The following PLEKHH2 variants were observed in gnomAD, a reference collection of about 807,000 sequenced individuals.
The protein encoded by PLEKHH2 is pleckstrin homology domain-containing family H member 2.
In PLEKHH2, 129 loss-of-function variants were observed where a neutral mutation model predicts 187.9. That is an observed-to-expected ratio of 0.69 (90% CI 0.59 to 0.79). The LOEUF is 0.79. Among genes scored for constraint, PLEKHH2 ranks in the 30% least tolerant of loss-of-function variants. The probability of loss-of-function intolerance (pLI) is 0.00; values close to 1 mark genes in which losing one functional copy is unlikely to be tolerated. For synonymous variants in PLEKHH2, 686 were observed against 605.6 expected, an observed-to-expected ratio of 1.13 and a Z score of -1.95; for missense variants, 2,076 against 1,751.2, an observed-to-expected ratio of 1.19 and a Z score of -3.31.
rs1234705691 is a variant in PLEKHH2 at position 43,764,265 on chromosome 2, C to T, written c.4196C>T (p.Thr1399Ile). 5 of 1,577,964 alleles carry T rather than the reference C, an allele frequency of 3.2e-6. No homozygotes were observed. The East Asian group carries it at 9.1e-5, about 29-fold the overall frequency. ...IVSYVYKSLM[T>I]FGGYQDDFMV... ...AGCTATGTGTACAAGAGTCTAATGA[C>T]CTTTGGAGGCTATCAAGATGATTTT... Residue 1399 changes from threonine to isoleucine, a missense_variant, in exon 29 of 30, where the codon ACC becomes ATC. By Grantham distance (89) the Thr-to-Ile change is moderately conservative (BLOSUM62 -1). Transcript: ENST00000282406.
chr2:43,666,017 C>G (rs1048992724), intron 2 of PLEKHH2, among the ~76,000 whole-genome samples: 3 of 146,252 alleles, frequency 2.1e-5, no homozygotes, highest in Admixed American at 6.7e-5. Context: ...TCGAGCTTCC[C>G]GGCTGCTTTG....
intron 2 of PLEKHH2, among the ~76,000 whole-genome samples, chr2:43,667,804 C>T (rs1405539113): frequency 6.6e-6 from 1 of 152,088 alleles, no homozygotes; most frequent in Non-Finnish European, 1.5e-5. Context: ...TGGGGAATTA[C>T]TGCTAATAGG....
chr2:43,754,869 C>CTTTTT (rs3066318), intron 25 of PLEKHH2, among the ~76,000 whole-genome samples: 25 of 108,748 alleles, frequency 2.3e-4, no homozygotes, highest in African/African-American at 5.7e-4. Flanking sequence ...TTAAAATCAA[C>CTTTTT]TTTTTTTTTT....
chr2:43,759,925 C>G (rs930677943), intron 27 of PLEKHH2, among the ~76,000 whole-genome samples: 1 of 152,122 alleles, frequency 6.6e-6, no homozygotes, highest in Non-Finnish European at 1.5e-5. Context: ...TATCTTCTAA[C>G]TCTGATTCTA....
In PLEKHH2 at chr2:43,723,838, C is replaced by T. The variant is rs72871647; in HGVS notation, c.2542-2434C>T. The stretch of plus-strand genomic sequence containing the variant: ...ATCTTGCCTGTGTCTAACAGGCACA[C>T]GCCGACTGCTGATTAAGAATAGACC... On this transcript the variant is annotated intron_variant, in intron 16 of 29. Coordinates refer to ENST00000282406, the MANE Select transcript of PLEKHH2 (RefSeq NM_172069.4). Among the ~76,000 whole-genome samples the T allele has an allele frequency of 6.0e-3, 906 of 152,220 alleles. 11 individuals carry two copies. Among genetic ancestry groups the T allele is most frequent in the African/African-American group, 0.02 (843 of 41,532 alleles).
At chr2:43,693,758 G>A (rs1490738017) in intron 4 of PLEKHH2, among the ~76,000 whole-genome samples, 12 of 131,648 alleles carry the variant, frequency 9.1e-5, no homozygotes, top group Admixed American at 8.9e-4. Flanking sequence ...ATTGCACTGG[G>A]GATTGGGGTT....
intron 20 of PLEKHH2, among the ~76,000 whole-genome samples, chr2:43,739,729 A>C (rs530508758): frequency 3.3e-5 from 5 of 152,216 alleles, no homozygotes; most frequent in Non-Finnish European, 5.9e-5. Context: ...TGCCTCCAGC[A>C]GACAGTGAAT....
rs1666100563 is a variant in PLEKHH2, at chr2:43,644,636, TTTTAATTTTTTGTTTATTTA to T, written c.-3-23_-3-4del. The stretch of plus-strand genomic sequence containing the variant: ...TGTTGTAGCATTTGAATGTTTTACT[TTTTAATTTTTTGTTTATTTA>T]TTTAATTTTTTTAGAATATGGCAGA... On this transcript the variant is annotated splice_polypyrimidine_tract_variant and intron_variant, in intron 1 of 29. Transcript: ENST00000282406. 6.9e-7 allele frequency: 1 copy of T among 1,447,838 alleles called. No homozygotes were observed. The highest frequency in any genetic ancestry group is 9.3e-7 in the Non-Finnish European group (1 of 1,076,806). The allele number at this position is 1,447,838 out of a possible 1,614,324, so 89.7% of individuals were successfully genotyped here.
chr2:43,714,412 C>T lies in PLEKHH2; in HGVS notation c.2460+2029C>T, dbSNP rs1401236977. ...TTCCTGCCATTTGTGCTTGTCCACCCCCATATTTTCACCCTTAGAACCTTA... is the reference window on the plus strand; with the variant it reads ...TTCCTGCCATTTGTGCTTGTCCACCTCCATATTTTCACCCTTAGAACCTTA... On this transcript the variant is annotated intron_variant, in intron 15 of 29. Transcript: ENST00000282406. 3.3e-5 allele frequency among the ~76,000 whole-genome samples: 5 copies of T among 152,132 alleles called. No individual in the cohort carries two copies. The East Asian group carries it at 9.6e-4, about 29-fold the overall frequency.
chr2:43,680,556 A>G (rs1227052905), intron 3 of PLEKHH2: 1 of 155,938 alleles, frequency 6.4e-6, no homozygotes, highest in African/African-American at 2.4e-5. Context: ...TTCCTTTTTA[A>G]TTTTTATTTT....
rs1347487817 is a variant in PLEKHH2, at chr2:43,637,327, C to CGCGGCCGGGACATCGGGCGCT, written c.-46_-26dup. The CGCGGCCGGGACATCGGGCGCT allele has an allele frequency of 6.6e-6, 1 of 152,438 alleles. No individual in the cohort carries two copies. Among genetic ancestry groups the CGCGGCCGGGACATCGGGCGCT allele is most frequent in the African/African-American group, 2.4e-5 (1 of 41,450 alleles). 9.4% of individuals were successfully genotyped at this position (152,438 alleles called of 1,614,324 possible). Reference sequence around the variant, plus strand: ...GAGTCCGGGGATCCCGGGGGCCAGTCGCGGCCGGGACATCGGGCGCTGCGG... The same window carrying CGCGGCCGGGACATCGGGCGCT: ...GAGTCCGGGGATCCCGGGGGCCAGTCGCGGCCGGGACATCGGGCGCTGCGGCCGGGACATCGGGCGCTGCGG... On this transcript the variant is annotated 5_prime_UTR_variant, in exon 1 of 30. Coordinates refer to ENST00000282406, the MANE Select transcript of PLEKHH2 (RefSeq NM_172069.4).
chr2:43,743,745 G>A (rs1274334565), intron 22 of PLEKHH2, 89 bp from the exon 23 acceptor site: 3 of 1,148,740 alleles, frequency 2.6e-6, no homozygotes, highest in African/African-American at 3.1e-5. Flanking sequence ...CATTAATCAT[G>A]CATCAAGTAT....
rs1237190846 is a variant in PLEKHH2 at position 43,725,820 on chromosome 2, A to G, written c.2542-452A>G. Among the ~76,000 whole-genome samples, 3 of 152,178 alleles carry G rather than the reference A, an allele frequency of 2.0e-5. No individual in the cohort carries two copies. The East Asian group carries it at 5.8e-4, about 29-fold the overall frequency. On this transcript the variant is annotated intron_variant, in intron 16 of 29. Coordinates refer to ENST00000282406, the MANE Select transcript of PLEKHH2 (RefSeq NM_172069.4). ...TTGCCTCTAGGCATCATTTTTAAAA[A>G]GGTATGTTATACTGATGCGGTGGCT... is the stretch of plus-strand genomic sequence containing the variant.
In PLEKHH2 at chr2:43,743,856, C is replaced by G; in HGVS notation, c.3422C>G (p.Thr1141Ser). 1 of 1,613,788 alleles carries G rather than the reference C, an allele frequency of 6.2e-7. No individual in the cohort carries two copies. ...IYQVVGFDAS[T>S]TVEEFLNTLN... ...TAGGTAGTTGGTTTTGACGCATCTA[C>G]CACAGTGGAAGAATTTTTGAATACT... The change falls in exon 23 of 30, where the codon ACC becomes AGC. Residue 1141 changes from threonine (T) to serine (S), a missense_variant. Physicochemically the swap from Thr to Ser is moderately conservative, Grantham distance 58 (BLOSUM62 1). Coordinates refer to ENST00000282406, the MANE Select transcript of PLEKHH2 (RefSeq NM_172069.4).
intron 24 of PLEKHH2, among the ~76,000 whole-genome samples, chr2:43,746,887 A>G (rs919092248): frequency 1.3e-5 from 2 of 151,654 alleles, no homozygotes; most frequent in African/African-American, 4.8e-5. Context: ...GGCGAATGGC[A>G]TGAACCCGGG....
chr2:43,694,422 T>C lies in PLEKHH2; in HGVS notation c.337-9T>C. Reference sequence around the variant, plus strand: ...GTTTGAACTAAACAAATTGCTATTGTTATTTCAGAAACAAATAAGAATACA... The same window carrying C: ...GTTTGAACTAAACAAATTGCTATTGCTATTTCAGAAACAAATAAGAATACA... On this transcript the variant is annotated splice_polypyrimidine_tract_variant and intron_variant, in intron 4 of 29. Transcript: ENST00000282406. 6.5e-7 allele frequency: 1 copy of C among 1,549,314 alleles called. No individual in the cohort carries two copies. Among genetic ancestry groups the C allele is most frequent in the Non-Finnish European group, 8.8e-7 (1 of 1,142,568 alleles).
intron 3 of PLEKHH2, among the ~76,000 whole-genome samples, chr2:43,684,813 C>G (rs2104445232): frequency 7.2e-6 from 1 of 138,580 alleles, no homozygotes; most frequent in Middle Eastern, 3.5e-3. Flanking sequence ...CTGCTACTCC[C>G]ATTACCAAAA....
intron 1 of PLEKHH2, among the ~76,000 whole-genome samples, chr2:43,639,854 G>T (rs1319965049): frequency 1.3e-5 from 2 of 151,826 alleles, no homozygotes; most frequent in Non-Finnish European, 2.9e-5. Flanking sequence ...ACGGGGTTTT[G>T]CCATGTTGGC....
chr2:43,738,584 T>A (rs1227303171), intron 20 of PLEKHH2, 64 bp downstream of exon 20: 1 of 1,419,672 alleles, frequency 7.0e-7, no homozygotes, highest in African/African-American at 1.4e-5. Context: ...ATTGTAAGAA[T>A]GATACACATT....
Sources: allele counts gnomAD v4.1 joint callset (sites outside exome capture counted in the v4.1 genomes callset), GRCh38; gene constraint gnomAD v4.1.1; transcripts MANE v1.5; gene names NCBI Gene and HGNC (gene_info 2026-07-23, HGNC 2026-07-21).